Variants in TRAPPC9 observed in about 807,000 individuals in gnomAD.
TRAPPC9 encodes the protein trafficking protein particle complex subunit 9, also known as IKK2 binding protein.
Under a neutral mutation model 124.0 loss-of-function variants are expected in TRAPPC9, and 83 were observed. That is an observed-to-expected ratio of 0.67 (90% confidence interval 0.56 to 0.80). TRAPPC9 has a LOEUF of 0.80. TRAPPC9 is among the 30% of genes least tolerant of loss of function. TRAPPC9 has a pLI of 0.00. For missense variants in TRAPPC9, 1,302 were observed against 1,508.3 expected (o/e 0.86, Z 2.27); for synonymous variants, 638 against 617.5 (o/e 1.03, Z -0.49).
At chr8:139,959,063 C>A (rs892652524) in intron 19 of TRAPPC9, among the ~76,000 whole-genome samples, 22 of 151,548 alleles carry the variant, frequency 1.5e-4, no homozygotes, top group African/African-American at 4.4e-4. Context: ...CCGAGTCACA[C>A]GGGGGAGCCC....
At chr8:139,942,915 G>C (rs1834000335) in intron 19 of TRAPPC9, among the ~76,000 whole-genome samples, 1 of 152,138 alleles carries the variant, frequency 6.6e-6, no homozygotes, top group African/African-American at 2.4e-5. Flanking sequence ...AAAGGAGAGG[G>C]CCGAGAGCAG....
At chr8:140,090,831 A>G (rs1411872501) in intron 17 of TRAPPC9, among the ~76,000 whole-genome samples, 2 of 152,134 alleles carry the variant, frequency 1.3e-5, no homozygotes, top group Non-Finnish European at 2.9e-5. Flanking sequence ...GTTCATTGAC[A>G]GCGGAGGCCA....
chr8:139,980,270 G>A (rs1201475578), intron 19 of TRAPPC9, among the ~76,000 whole-genome samples: 4 of 152,250 alleles, frequency 2.6e-5, no homozygotes, highest in South Asian at 2.1e-4. Flanking sequence ...TCTCCATAGC[G>A]AATCTTCTCT....
intron 17 of TRAPPC9, among the ~76,000 whole-genome samples, chr8:140,138,135 T>C (rs1253065502): frequency 6.6e-6 from 1 of 152,172 alleles, no homozygotes; most frequent in Non-Finnish European, 1.5e-5. Flanking sequence ...ACCCCATCTC[T>C]GCTAAAAATA....
chr8:140,042,141 G>A (rs753604333), intron 17 of TRAPPC9, among the ~76,000 whole-genome samples: 21 of 152,002 alleles, frequency 1.4e-4, no homozygotes, highest in Non-Finnish European at 2.5e-4. Flanking sequence ...CTTCTTAGGA[G>A]GCATGCAAAA....
intron 17 of TRAPPC9, among the ~76,000 whole-genome samples, chr8:140,167,746 C>A (rs1014766858): frequency 6.6e-6 from 1 of 152,150 alleles, no homozygotes; most frequent in Non-Finnish European, 1.5e-5. Context: ...ATGTATTTCT[C>A]TTTCTTTCAT....
chr8:139,746,708 A>G (rs1818918611), intron 21 of TRAPPC9, among the ~76,000 whole-genome samples: 1 of 152,212 alleles, frequency 6.6e-6, no homozygotes, highest in South Asian at 2.1e-4. Flanking sequence ...GCTGTTTGTT[A>G]CAGCATTTAG....
At chr8:140,450,088 C>T (rs190675323) in intron 2 of TRAPPC9, among the ~76,000 whole-genome samples, 107 of 152,294 alleles carry the variant, frequency 7.0e-4, no homozygotes, top group African/African-American at 2.5e-3. Flanking sequence ...TGGCCAGGCA[C>T]AGAGGCTCAC....
chr8:140,272,288 G>GTGGTCA (rs2064953047), intron 15 of TRAPPC9, among the ~76,000 whole-genome samples: 1 of 136,532 alleles, frequency 7.3e-6, no homozygotes, highest in South Asian at 3.0e-4. Context: ...GATGGTGGTG[G>GTGGTCA]CAGTTGTGAC....
intron 17 of TRAPPC9, among the ~76,000 whole-genome samples, chr8:140,142,305 A>C (rs369031900): frequency 1.3e-5 from 2 of 152,366 alleles, no homozygotes; most frequent in South Asian, 2.1e-4. Flanking sequence ...AGAGGCACAC[A>C]ATAGACAATG....
chr8:140,058,721 A>G (rs1217442510), intron 17 of TRAPPC9, among the ~76,000 whole-genome samples: 1 of 152,272 alleles, frequency 6.6e-6, no homozygotes, highest in African/African-American at 2.4e-5. Context: ...TGTGGAAGAC[A>G]GACATTTAGG....
At chr8:140,220,420 A>C (rs2063311003) in intron 17 of TRAPPC9, among the ~76,000 whole-genome samples, 1 of 152,094 alleles carries the variant, frequency 6.6e-6, no homozygotes, top group African/African-American at 2.4e-5. Context: ...GCCCAGCAAC[A>C]CAGTAACCAA....
intron 18 of TRAPPC9, among the ~76,000 whole-genome samples, chr8:139,991,323 C>T (rs1837628637): frequency 6.6e-6 from 1 of 152,182 alleles, no homozygotes; most frequent in Admixed American, 6.5e-5. Flanking sequence ...TGTCCTCTTG[C>T]TCTTCTTTTT....
At chr8:140,377,425 A>G (rs2068474546) in intron 7 of TRAPPC9, among the ~76,000 whole-genome samples, 1 of 151,988 alleles carries the variant, frequency 6.6e-6, no homozygotes, top group African/African-American at 2.4e-5. Flanking sequence ...CAGCCTCCTC[A>G]GGAGCTGTGA....
intron 14 of TRAPPC9, among the ~76,000 whole-genome samples, chr8:140,281,048 C>T (rs1028569795): frequency 1.3e-5 from 2 of 152,198 alleles, no homozygotes; most frequent in African/African-American, 4.8e-5. Context: ...CAGCTGATGG[C>T]CATCTGGGCC....
intron 16 of TRAPPC9, among the ~76,000 whole-genome samples, chr8:140,251,342 G>T (rs867204348): frequency 5.9e-5 from 9 of 152,168 alleles, no homozygotes; most frequent in Non-Finnish European, 1.2e-4. Flanking sequence ...AAAAAATGCA[G>T]TTCAGCGGGA....
intron 17 of TRAPPC9, chr8:140,096,240 G>A (rs1259747747): frequency 2.6e-5 from 4 of 152,258 alleles, no homozygotes; most frequent in South Asian, 2.1e-4. Flanking sequence ...GTCGGAGGGA[G>A]GAGAGGAGAC....
chr8:139,928,859 T>G (rs1017249579), intron 19 of TRAPPC9, among the ~76,000 whole-genome samples: 1 of 151,612 alleles, frequency 6.6e-6, no homozygotes, highest in Non-Finnish European at 1.5e-5. Context: ...CACAGGTGTT[T>G]GGAGAGGAAG....
chr8:139,837,193 C>T (rs1186446109), intron 21 of TRAPPC9, among the ~76,000 whole-genome samples: 1 of 152,208 alleles, frequency 6.6e-6, no homozygotes, highest in Non-Finnish European at 1.5e-5. Flanking sequence ...CGGTTCTTAC[C>T]ATCACCGTGA....
Sources: gnomAD v4.1 joint callset for allele counts (sites outside exome capture counted in the v4.1 genomes callset) on GRCh38, gnomAD v4.1.1 for gene constraint, MANE v1.5 for transcripts, NCBI Gene and HGNC (gene_info 2026-07-23, HGNC 2026-07-21) for gene names.